Variants in RPRD1B observed in about 807,000 individuals in gnomAD.
The protein encoded by RPRD1B is regulation of nuclear pre-mRNA domain containing 1B, also known as regulation of nuclear pre-mRNA domain-containing protein 1B.
RPRD1B carries 11 observed loss-of-function variants against 41.5 expected under a neutral mutation model. The observed-to-expected ratio is 0.27, with a 90% CI of 0.17 to 0.44. RPRD1B has a LOEUF of 0.44. Among genes scored for constraint, RPRD1B ranks in the 20% least tolerant of loss-of-function variants. RPRD1B has a pLI of 1.00. For missense variants in RPRD1B, 248 were observed against 389.9 expected, an observed-to-expected ratio of 0.64 and a Z score of 3.06; for synonymous variants, 158 against 155.6, an observed-to-expected ratio of 1.02 and a Z score of -0.12.
intron 6 of RPRD1B, among the ~76,000 whole-genome samples, chr20:38,071,493 A>G (rs1283792595): frequency 6.6e-6 from 1 of 152,222 alleles, no homozygotes; most frequent in Non-Finnish European, 1.5e-5. Context: ...TGTTGCTATA[A>G]ACAGTCATGT....
chr20:38,071,585 A>T (rs1475378181), intron 6 of RPRD1B, among the ~76,000 whole-genome samples: 1 of 152,142 alleles, frequency 6.6e-6, no homozygotes, highest in Non-Finnish European at 1.5e-5. Context: ...TCATATGGTA[A>T]TTCTATGTAA....
At chr20:38,085,331 G>C (rs1333052274) in intron 6 of RPRD1B, 1 of 152,188 alleles carries the variant, frequency 6.6e-6, no homozygotes, top group Non-Finnish European at 1.5e-5. Context: ...AGGGGAGCGT[G>C]GGTGTTGGAT....
At chr20:38,070,178 G>C (rs1299942162) in intron 6 of RPRD1B, 2 of 984,170 alleles carry the variant, frequency 2.0e-6, no homozygotes, top group Non-Finnish European at 2.4e-6. Flanking sequence ...GCTTTATTCT[G>C]AGATAATCAT....
rs976988547 is a variant in RPRD1B, at chr20:38,091,001, A to G, written c.*1126A>G. On this transcript the variant is annotated 3_prime_UTR_variant, in exon 7 of 7. Transcript: ENST00000373433. ...GCAGGGGAAGCGGGGAGTTGGGGATATTAATTGGGGGTTTTAATTCTATTA... is the reference window on the plus strand; with the variant it reads ...GCAGGGGAAGCGGGGAGTTGGGGATGTTAATTGGGGGTTTTAATTCTATTA... 1 of 985,506 alleles carries G rather than the reference A, an allele frequency of 1.0e-6. No homozygotes were observed. Among genetic ancestry groups the G allele is most frequent in the African/African-American group, 1.7e-5 (1 of 57,228 alleles). The allele number at this position is 985,506 out of a possible 1,614,324, so 61.0% of individuals were successfully genotyped here.
At chr20:38,036,927 A>G (rs975487967) in intron 1 of RPRD1B, among the ~76,000 whole-genome samples, 7 of 152,194 alleles carry the variant, frequency 4.6e-5, no homozygotes, top group African/African-American at 1.7e-4. Context: ...TGGACAGTGC[A>G]GAGTTAAAAA....
At chr20:38,088,912 C>G (rs1179633699) in intron 6 of RPRD1B, among the ~76,000 whole-genome samples, 1 of 152,154 alleles carries the variant, frequency 6.6e-6, no homozygotes, top group Admixed American at 6.5e-5. Context: ...GGAGGCCAGG[C>G]TTTGCTAGGG....
At chr20:38,064,645 G>A (rs1254447055) in intron 5 of RPRD1B, among the ~76,000 whole-genome samples, 1 of 152,034 alleles carries the variant, frequency 6.6e-6, no homozygotes, top group Admixed American at 6.6e-5. Flanking sequence ...TCTTAATTAT[G>A]AGCCTTTGTT....
chr20:38,048,684 C>T (rs1430563956), intron 3 of RPRD1B: 2 of 745,256 alleles, frequency 2.7e-6, no homozygotes, highest in African/African-American at 1.9e-5. Flanking sequence ...TTCATCCTCT[C>T]ACACCCTGAC....
At chr20:38,053,914 G>A (rs1211362472) in intron 3 of RPRD1B, among the ~76,000 whole-genome samples, 2 of 152,172 alleles carry the variant, frequency 1.3e-5, no homozygotes, top group Non-Finnish European at 2.9e-5. Context: ...CATTTTGTAA[G>A]GGATCTTGAG....
intron 4 of RPRD1B, among the ~76,000 whole-genome samples, 156 bp downstream of exon 4, chr20:38,057,800 CGGATGGCAGGTGTCA>C (rs2074259703): frequency 6.6e-6 from 1 of 152,166 alleles, no homozygotes; most frequent in Admixed American, 6.5e-5. Flanking sequence ...AGGAGCTTGC[CGGATGGCAGGTGTCA>C]GTATGTCTTT....
At chr20:38,046,254 T>C (rs2074120010) in intron 2 of RPRD1B, among the ~76,000 whole-genome samples, 2 of 152,150 alleles carry the variant, frequency 1.3e-5, no homozygotes, top group South Asian at 2.1e-4. Flanking sequence ...ACCCAGGCCT[T>C]CTTATTCTTT....
intron 2 of RPRD1B, 73 bp from the exon 3 acceptor site, chr20:38,048,275 T>C (rs2074140462): frequency 1.2e-5 from 17 of 1,401,246 alleles, no homozygotes; most frequent in Non-Finnish European, 1.2e-5. Context: ...TTCTTTTTTT[T>C]TTAAGTAGGT....
At chr20:38,088,097 C>T (rs928422602) in intron 6 of RPRD1B, among the ~76,000 whole-genome samples, 2 of 152,190 alleles carry the variant, frequency 1.3e-5, no homozygotes, top group African/African-American at 4.8e-5. Context: ...ACCCTTTTCT[C>T]TTCCTTTGTA....
intron 5 of RPRD1B, among the ~76,000 whole-genome samples, chr20:38,061,386 A>C (rs1311937545): frequency 6.6e-6 from 1 of 152,208 alleles, no homozygotes; most frequent in Non-Finnish European, 1.5e-5. Flanking sequence ...GGGAAAAACT[A>C]ACATGTCTGA....
intron 6 of RPRD1B, among the ~76,000 whole-genome samples, chr20:38,072,086 T>TG: frequency 6.6e-6 from 1 of 152,360 alleles, no homozygotes; most frequent in Middle Eastern, 3.4e-3. Context: ...AATAATCTGT[T>TG]GCCAATCCCA....
chr20:38,062,828 G>GGC (rs2074312257), intron 5 of RPRD1B, among the ~76,000 whole-genome samples: 1 of 34,726 alleles, frequency 2.9e-5, no homozygotes, highest in African/African-American at 1.8e-4. Context: ...AAAAGCCAGA[G>GGC]CCCCCCCCCC....
At chr20:38,044,711 A>G (rs961657694) in intron 2 of RPRD1B, among the ~76,000 whole-genome samples, 2 of 152,094 alleles carry the variant, frequency 1.3e-5, no homozygotes, top group Non-Finnish European at 2.9e-5. Flanking sequence ...TGCACAAACA[A>G]TTTAGGCCCA....
At chr20:38,059,955 G>A (rs977399659) in intron 5 of RPRD1B, among the ~76,000 whole-genome samples, 2 of 152,178 alleles carry the variant, frequency 1.3e-5, no homozygotes, top group Non-Finnish European at 2.9e-5. Flanking sequence ...TCAGTGCCAG[G>A]AATTTCAGGT....
In RPRD1B at chr20:38,063,108, C is replaced by T. The variant is rs189436294; in HGVS notation, c.656-2973C>T. On this transcript the variant is annotated intron_variant, in intron 5 of 6. Transcript: ENST00000373433. The stretch of plus-strand genomic sequence containing the variant: ...CTTGCCAGTCACTCTTTCCTCCTAG[C>T]GCCTTTGTACTTGCTGTCCCCTCTG... 1.7e-4 allele frequency among the ~76,000 whole-genome samples: 26 copies of T among 152,266 alleles called. No homozygotes were observed. The South Asian group carries it at 3.3e-3, about 19-fold the overall frequency.
Sources: allele counts gnomAD v4.1 joint callset (sites outside exome capture counted in the v4.1 genomes callset), GRCh38; gene constraint gnomAD v4.1.1; transcripts MANE v1.5; gene names NCBI Gene and HGNC (gene_info 2026-07-23, HGNC 2026-07-21).